Variants in COL26A1 observed in about 807,000 individuals in gnomAD.
COL26A1 encodes the protein collagen type XXVI alpha 1 chain.
Under a neutral mutation model 59.3 loss-of-function variants are expected in COL26A1, and 41 were observed. That is an observed-to-expected ratio of 0.69 (90% CI 0.54 to 0.90). The LOEUF is 0.90. Among genes scored for constraint, COL26A1 ranks in the 40% least tolerant of loss-of-function variants. COL26A1 has a pLI of 0.00. For synonymous variants in COL26A1, 266 were observed against 256.0 expected, an observed-to-expected ratio of 1.04 and a Z score of -0.37; for missense variants, 612 against 602.3, an observed-to-expected ratio of 1.02 and a Z score of -0.17.
intron 2 of COL26A1, among the ~76,000 whole-genome samples, chr7:101,434,265 C>T (rs1792861879): frequency 1.4e-5 from 2 of 145,050 alleles, no homozygotes; most frequent in Admixed American, 1.4e-4. Flanking sequence ...TTCTCTTTGT[C>T]TTTGTAGAGA....
intron 3 of COL26A1, among the ~76,000 whole-genome samples, chr7:101,527,309 TTTC>T (rs1584487521): frequency 6.6e-6 from 1 of 151,816 alleles, no homozygotes; most frequent in African/African-American, 2.4e-5. Flanking sequence ...CTCTTTCTCT[TTTC>T]TTTTTCTTTT....
At chr7:101,508,602 A>G (rs1334870893) in intron 3 of COL26A1, among the ~76,000 whole-genome samples, 1 of 150,892 alleles carries the variant, frequency 6.6e-6, no homozygotes, top group Non-Finnish European at 1.5e-5. Context: ...TGATAAACAG[A>G]TGAAACATTG....
intron 4 of COL26A1, among the ~76,000 whole-genome samples, chr7:101,535,182 T>C (rs1192393655): frequency 6.6e-6 from 1 of 152,028 alleles, no homozygotes. Context: ...GAGTCTTAGC[T>C]CTTGTGGGGC....
intron 12 of COL26A1, among the ~76,000 whole-genome samples, chr7:101,556,787 C>G (rs1384987957): frequency 6.7e-6 from 1 of 149,720 alleles, no homozygotes; most frequent in Non-Finnish European, 1.5e-5. Context: ...GGTGAGTGGA[C>G]AGGTAGGTGG....
intron 11 of COL26A1, among the ~76,000 whole-genome samples, chr7:101,553,979 TGGATGAAGG>T (rs1307535623): frequency 2.0e-5 from 3 of 151,302 alleles, no homozygotes; most frequent in African/African-American, 4.9e-5. Flanking sequence ...GCTGGGGTAG[TGGATGAAGG>T]GGATGAAGGG....
At chr7:101,411,905 T>C (rs1792249243) in intron 1 of COL26A1, among the ~76,000 whole-genome samples, 1 of 151,942 alleles carries the variant, frequency 6.6e-6, no homozygotes, top group Non-Finnish European at 1.5e-5. Context: ...GCCACTGCAC[T>C]CCAACCTGGA....
chr7:101,387,765 TATATATATATATA>T (rs1326960317), intron 1 of COL26A1, among the ~76,000 whole-genome samples: 1,965 of 49,034 alleles, frequency 0.04, 38 homozygotes, highest in Non-Finnish European at 0.072. Flanking sequence ...TATATATATA[TATATATATATATA>T]TTTTTTTTTA....
chr7:101,444,500 C>T (rs953382519), intron 2 of COL26A1, among the ~76,000 whole-genome samples: 2 of 151,436 alleles, frequency 1.3e-5, no homozygotes, highest in African/African-American at 2.4e-5. Flanking sequence ...ACCGCAACTC[C>T]GCCTCCTGGG....
chr7:101,370,256 C>T (rs1791158827), intron 1 of COL26A1, among the ~76,000 whole-genome samples: 1 of 152,140 alleles, frequency 6.6e-6, no homozygotes, highest in Admixed American at 6.6e-5. Flanking sequence ...CCTGGCCACC[C>T]CTAACCTTTT....
chr7:101,487,347 C>T (rs574983229), intron 3 of COL26A1, among the ~76,000 whole-genome samples: 16 of 152,278 alleles, frequency 1.1e-4, no homozygotes, highest in Non-Finnish European at 2.2e-4. Flanking sequence ...GAGTCACTGT[C>T]TCTTGCTGAG....
At chr7:101,460,420 G>C (rs1793582064) in intron 3 of COL26A1, among the ~76,000 whole-genome samples, 1 of 152,082 alleles carries the variant, frequency 6.6e-6, no homozygotes, top group African/African-American at 2.4e-5. Context: ...TCTGTAGATT[G>C]CATCTTTCTT....
At chr7:101,501,406 C>T (rs1183957304) in intron 3 of COL26A1, among the ~76,000 whole-genome samples, 1 of 152,048 alleles carries the variant, frequency 6.6e-6, no homozygotes, top group Non-Finnish European at 1.5e-5. Context: ...AATGCCCCCA[C>T]AGCAGTGGTG....
In COL26A1 at chr7:101,362,892, A is replaced by T. The variant is rs1158601907; in HGVS notation, c.-141A>T. 1.1e-5 allele frequency: 9 copies of T among 828,098 alleles called. No individual in the cohort carries two copies. Among genetic ancestry groups the T allele is most frequent in the Non-Finnish European group, 1.6e-5 (9 of 567,858 alleles). 51.3% of individuals were successfully genotyped at this position (828,098 alleles called of 1,614,324 possible). ...GCGTGGGCGCCCCCCACACATTTCC[A>T]GCTCGCACCCGGGCTCCGACCGCTC... On this transcript the variant is annotated 5_prime_UTR_variant, in exon 1 of 13. Coordinates refer to ENST00000313669, the MANE Select transcript of COL26A1 (RefSeq NM_001278563.3).
intron 11 of COL26A1, 33 bp from the exon 12 acceptor site, chr7:101,555,754 C>T (rs1012920216): frequency 6.0e-5 from 93 of 1,562,518 alleles, no homozygotes; most frequent in Non-Finnish European, 7.2e-5. Context: ...TCCTCATGGC[C>T]GGCCCTGACC....
intron 3 of COL26A1, among the ~76,000 whole-genome samples, chr7:101,507,570 C>T (rs565091757): frequency 2.3e-4 from 35 of 152,196 alleles, no homozygotes; most frequent in African/African-American, 7.7e-4. Context: ...CACAGGCACA[C>T]GCCACCATGC....
At chr7:101,534,361 G>C (rs1795433801) in intron 4 of COL26A1, among the ~76,000 whole-genome samples, 1 of 152,106 alleles carries the variant, frequency 6.6e-6, no homozygotes, top group African/African-American at 2.4e-5. Flanking sequence ...GCAGGGCCAG[G>C]GTCAGCCATG....
intron 3 of COL26A1, among the ~76,000 whole-genome samples, chr7:101,484,046 C>T (rs953205466): frequency 2.2e-5 from 3 of 134,920 alleles, no homozygotes; most frequent in African/African-American, 5.7e-5. Flanking sequence ...GACAAGGTCT[C>T]GCTGTGTTGC....
rs961763719 is a variant in COL26A1 at position 101,450,788 on chromosome 7, C to A, written c.385+3001C>A. Among the ~76,000 whole-genome samples, 6 of 142,820 alleles carry A rather than the reference C, an allele frequency of 4.2e-5. No individual in the cohort carries two copies. The East Asian group carries it at 1.2e-3, about 28-fold the overall frequency. 93.7% of individuals were successfully genotyped at this position (142,820 alleles called of 152,430 possible). ...CCATAGTCTATATGAATATGAATTCCATAGTCTATATGAATATGAATTCCA... is the reference window on the plus strand; with the variant it reads ...CCATAGTCTATATGAATATGAATTCAATAGTCTATATGAATATGAATTCCA... On this transcript the variant is annotated intron_variant, in intron 3 of 12. Transcript: ENST00000313669.
At chr7:101,508,291 G>A (rs1794853419) in intron 3 of COL26A1, among the ~76,000 whole-genome samples, 1 of 152,164 alleles carries the variant, frequency 6.6e-6, no homozygotes, top group African/African-American at 2.4e-5. Flanking sequence ...GGAAGCCTAG[G>A]AGGGAGGATT....
Sources: gnomAD v4.1 joint callset for allele counts (sites outside exome capture counted in the v4.1 genomes callset) on GRCh38, gnomAD v4.1.1 for gene constraint, MANE v1.5 for transcripts, NCBI Gene and HGNC (gene_info 2026-07-23, HGNC 2026-07-21) for gene names.